The following PTPDC1 variants were observed in gnomAD, a reference collection of about 807,000 sequenced individuals.
PTPDC1 encodes protein tyrosine phosphatase domain containing 1.
PTPDC1 carries 53 observed loss-of-function variants against 75.3 expected under a neutral mutation model. The observed-to-expected ratio is 0.70, with a 90% CI of 0.56 to 0.88. The LOEUF (loss-of-function observed/expected upper bound fraction) is 0.88, where lower values mean the gene tolerates loss of function less well. Ranked by LOEUF, PTPDC1 falls within the 40% of genes least tolerant of loss-of-function variation. PTPDC1 has a pLI of 0.00. For synonymous variants in PTPDC1, 349 were observed against 366.2 expected, an observed-to-expected ratio of 0.95 and a Z score of 0.54; for missense variants, 925 against 998.6, an observed-to-expected ratio of 0.93 and a Z score of 0.99.
chr9:94,042,071 A>G (rs1005676799), intron 1 of PTPDC1, among the ~76,000 whole-genome samples: 9 of 152,110 alleles, frequency 5.9e-5, no homozygotes, highest in Non-Finnish European at 1.3e-4. Context: ...GTTTATTCTA[A>G]CCTTTCCTCC....
Position 94,101,664 on chromosome 9 carries a change from G to A in PTPDC1, c.2112G>A (p.Leu704=), listed in dbSNP as rs752926633. The change falls in exon 7 of 9, where the codon CTG becomes CTA. Residue 704 remains leucine, a synonymous_variant. Coordinates refer to ENST00000620992, the MANE Select transcript of PTPDC1 (RefSeq NM_001253829.2). ...TGATGTGGTCTTGGGTGGAGCAACT[G>A]AAGGAGCCTGTAATCACCAAAGAGG... ...CSLMWSWVEQ[L]KEPVITKEDV... 4.3e-6 allele frequency: 7 copies of A among 1,613,986 alleles called. No homozygotes were observed. The South Asian group carries it at 6.6e-5, about 15-fold the overall frequency.
intron 2 of PTPDC1, among the ~76,000 whole-genome samples, chr9:94,086,702 C>T (rs1427173009): frequency 1.3e-5 from 2 of 152,194 alleles, no homozygotes; most frequent in African/African-American, 4.8e-5. Flanking sequence ...AGTAAATATC[C>T]ATTTGGCTGT....
intron 7 of PTPDC1, among the ~76,000 whole-genome samples, 198 bp downstream of exon 7, chr9:94,101,949 C>A (rs1419867284): frequency 1.3e-5 from 2 of 152,216 alleles, no homozygotes; most frequent in African/African-American, 4.8e-5. Context: ...AAAACGAGAA[C>A]TATCCATAGT....
chr9:94,043,506 C>G (rs2118415554), intron 1 of PTPDC1, among the ~76,000 whole-genome samples: 1 of 152,154 alleles, frequency 6.6e-6, no homozygotes, highest in African/African-American at 2.4e-5. Context: ...AGGATATACC[C>G]TTCCTCTTTG....
intron 1 of PTPDC1, among the ~76,000 whole-genome samples, chr9:94,047,986 G>A (rs1342007574): frequency 6.6e-6 from 1 of 152,120 alleles, no homozygotes; most frequent in African/African-American, 2.4e-5. Flanking sequence ...TTCTACCAGA[G>A]GTACAAAGAG....
rs551119097 is a variant in PTPDC1 at position 94,048,153 on chromosome 9, C to T, written c.-6-16581C>T. Among the ~76,000 whole-genome samples the T allele has an allele frequency of 2.0e-5, 3 of 152,300 alleles. No individual in the cohort carries two copies. The East Asian group carries it at 5.8e-4, about 29-fold the overall frequency. Reference sequence around the variant, plus strand: ...AATTTTGTTGATCTTTTCAAAAAACCAGCTCCTGCATTCATTGATTTTTTG... The same window carrying T: ...AATTTTGTTGATCTTTTCAAAAAACTAGCTCCTGCATTCATTGATTTTTTG... On this transcript the variant is annotated intron_variant, in intron 1 of 9. Coordinates refer to the PTPDC1 transcript ENST00000375360.
At chr9:94,054,689 C>G (rs1825882535) in intron 1 of PTPDC1, among the ~76,000 whole-genome samples, 1 of 152,046 alleles carries the variant, frequency 6.6e-6, no homozygotes, top group Non-Finnish European at 1.5e-5. Context: ...TGATTTGGAC[C>G]GAGTTTCTAC....
Position 94,088,395 on chromosome 9 carries a change from G to A in PTPDC1, c.616+132G>A, listed in dbSNP as rs1827152374. 6.6e-6 allele frequency: 7 copies of A among 1,064,428 alleles called. No individual in the cohort carries two copies. The Admixed American group carries it at 1.8e-4, about 27-fold the overall frequency. The allele number at this position is 1,064,428 out of a possible 1,614,324, so 65.9% of individuals were successfully genotyped here. A position where few individuals can be genotyped will look rare whatever the true frequency, so the allele number is the denominator to read the frequency against. ...CATCATAGTAAGGTTTAGAAAAAAT[G>A]AGCTACCATTCTCTTTGGTATTGCT... On this transcript the variant is annotated intron_variant, in intron 4 of 8. Transcript: ENST00000620992.
At chr9:94,074,959 C>G (rs575936025) in intron 2 of PTPDC1, among the ~76,000 whole-genome samples, 1 of 152,188 alleles carries the variant, frequency 6.6e-6, no homozygotes, top group Non-Finnish European at 1.5e-5. Context: ...AGGTTCAGGT[C>G]TCCACTGGGT....
intron 8 of PTPDC1, among the ~76,000 whole-genome samples, chr9:94,105,666 CA>C (rs35654588): frequency 0.55 from 59,658 of 107,724 alleles, 15,750 homozygotes; most frequent in African/African-American, 0.73. Context: ...GACTCTGTCT[CA>C]AAAAAAAAAA....
chr9:94,081,581 G>A (rs747257977), upstream of PTPDC1, among the ~76,000 whole-genome samples: 61 of 152,210 alleles, frequency 4.0e-4, no homozygotes, highest in Non-Finnish European at 7.2e-4. Flanking sequence ...GCATGCTGCT[G>A]CACAGTCAAA....
At chr9:94,070,242 G>A (rs543919584) in intron 2 of PTPDC1, among the ~76,000 whole-genome samples, 16 of 152,088 alleles carry the variant, frequency 1.1e-4, no homozygotes, top group Admixed American at 2.6e-4. Context: ...TTACTCAGCC[G>A]TACTTTTCCT....
At chr9:94,075,229 T>C (rs1182404773) in intron 2 of PTPDC1, among the ~76,000 whole-genome samples, 1 of 152,152 alleles carries the variant, frequency 6.6e-6, no homozygotes, top group Non-Finnish European at 1.5e-5. Context: ...ATTAGCTCCC[T>C]GATCAGCCCC....
chr9:94,104,441 A>C (rs1827948669), intron 8 of PTPDC1, 56 bp downstream of exon 8: 2 of 1,200,272 alleles, frequency 1.7e-6, no homozygotes, highest in South Asian at 1.3e-5. Flanking sequence ...TCATCTTTGT[A>C]AATCAGAATC....
chr9:94,082,293 G>C (rs951444062), upstream of PTPDC1, among the ~76,000 whole-genome samples: 1 of 152,190 alleles, frequency 6.6e-6, no homozygotes, highest in African/African-American at 2.4e-5. Context: ...GGCCTCCCAC[G>C]CCCACCAGGC....
At chr9:94,057,364 A>G (rs1825975670) in intron 1 of PTPDC1, among the ~76,000 whole-genome samples, 1 of 152,114 alleles carries the variant, frequency 6.6e-6, no homozygotes, top group South Asian at 2.1e-4. Flanking sequence ...GATTACAGGT[A>G]TGAACCACTG....
chr9:94,099,390 G>T (rs559070249), intron 6 of PTPDC1, among the ~76,000 whole-genome samples: 2 of 151,532 alleles, frequency 1.3e-5, no homozygotes, highest in South Asian at 4.2e-4. Context: ...CCGAGATCTT[G>T]ACTTTTGAGC....
At chr9:94,088,409 T>C in intron 4 of PTPDC1, 146 bp downstream of exon 4, 1 of 933,072 alleles carries the variant, frequency 1.1e-6, no homozygotes, top group Non-Finnish European at 1.6e-6. Context: ...TACCATTCTC[T>C]TTGGTATTGC....
chr9:94,107,090 A>G (rs1828049497), intron 8 of PTPDC1, among the ~76,000 whole-genome samples: 1 of 152,108 alleles, frequency 6.6e-6, no homozygotes, highest in Non-Finnish European at 1.5e-5. Context: ...AGTAGCTGGG[A>G]CTACAGGCAT....
Sources: allele counts gnomAD v4.1 joint callset (sites outside exome capture counted in the v4.1 genomes callset), GRCh38; gene constraint gnomAD v4.1.1; transcripts MANE v1.5; gene names NCBI Gene and HGNC (gene_info 2026-07-23, HGNC 2026-07-21).